GFI1: variants seen among roughly 807,000 people sequenced by gnomAD.
The protein encoded by GFI1 is growth factor independent 1 transcriptional repressor, also known as zinc finger protein Gfi-1.
A neutral mutation model predicts 39.2 loss-of-function variants in GFI1; 15 were observed. The observed-to-expected ratio is 0.38, with a 90% CI of 0.26 to 0.59. The LOEUF (loss-of-function observed/expected upper bound fraction) is 0.59, where lower values mean the gene tolerates loss of function less well. Ranked by LOEUF, GFI1 falls within the 20% of genes least tolerant of loss-of-function variation. GFI1 has a pLI of 0.62. For synonymous variants in GFI1, 239 were observed against 254.3 expected (o/e 0.94, Z 0.57); for missense variants, 475 against 574.0 (o/e 0.83, Z 1.76).
In GFI1 at chr1:92,480,931, G is replaced by C; in HGVS notation, c.456C>G (p.Gly152=). ...CGALERGAGL[G]LFCEPAPEPG... ...GCTCCGGGGCGGGTTCGCAGAAGAG[G>C]CCCAGGCCAGCGCCACGCTCCAGGG... is the stretch of plus-strand genomic sequence containing the variant. The change falls in exon 4 of 7, where the codon GGC becomes GGG. Residue 152 remains glycine (G), a synonymous_variant. Transcript: ENST00000294702. The surrounding 1 kb of genome is among the most constrained non-coding windows in gnomAD (Gnocchi z 5.6). The C allele has an allele frequency of 1.3e-6, 2 of 1,566,460 alleles. No homozygotes were observed. Among genetic ancestry groups the C allele is most frequent in the Admixed American group, 1.9e-5 (1 of 52,936 alleles).
In GFI1 at chr1:92,484,182, CA is replaced by C. The variant is rs1159993579; in HGVS notation, c.-99-597del. ...AGGACAGCAGCAGAGGGATTGGGGA[CA>C]GCAGAGGCCAGAGAAAGGAGGTGGG... On this transcript the variant is annotated intron_variant, in intron 1 of 6. Coordinates refer to ENST00000294702, the MANE Select transcript of GFI1 (RefSeq NM_005263.5). The surrounding 1 kb of genome is among the most constrained non-coding windows in gnomAD (Gnocchi z 4.1). 2.0e-5 allele frequency among the ~76,000 whole-genome samples: 3 copies of C among 152,088 alleles called. No individual in the cohort carries two copies. Among genetic ancestry groups the C allele is most frequent in the African/African-American group, 7.2e-5 (3 of 41,396 alleles).
At chr1:92,485,998 G>A (rs1288817167) in intron 1 of GFI1, 3 of 152,372 alleles carry the variant, frequency 2.0e-5, no homozygotes, top group African/African-American at 7.2e-5. Flanking sequence ...GCGCAGAACA[G>A]GCTCGGCGGA....
Position 92,483,065 on chromosome 1 carries a change from T to C in GFI1, c.116-19A>G. The C allele has an allele frequency of 1.3e-6, 2 of 1,566,022 alleles. No homozygotes were observed. Among genetic ancestry groups the C allele is most frequent in the South Asian group, 2.3e-5 (2 of 85,168 alleles). ...GTGCTGTCTGCAAAGAGGAGGCAGG[T>C]GAGGGGCTCAGGCTGGGACCGGTTG... On this transcript the variant is annotated intron_variant, in intron 2 of 6. Coordinates refer to ENST00000294702, the MANE Select transcript of GFI1 (RefSeq NM_005263.5).
At position 92,484,298 on chromosome 1, in the gene GFI1, T is replaced by C. The variant is rs931121740; in HGVS notation, c.-99-712A>G. On this transcript the variant is annotated intron_variant, in intron 1 of 6. Transcript: ENST00000294702. The surrounding 1 kb of genome is among the most constrained non-coding windows in gnomAD (Gnocchi z 4.1). ...GCATCTGGGTGATCCCACTCGCCCC[T>C]CACTAGTGCCCCACGTAGGAGAAAC... 2 of 152,914 alleles carry C rather than the reference T, an allele frequency of 1.3e-5. No individual in the cohort carries two copies. Among genetic ancestry groups the C allele is most frequent in the African/African-American group, 4.8e-5 (2 of 41,394 alleles). 9.5% of individuals were successfully genotyped at this position (152,914 alleles called of 1,614,324 possible).
chr1:92,479,467 G>A (rs1472995921), intron 5 of GFI1, among the ~76,000 whole-genome samples: 2 of 152,160 alleles, frequency 1.3e-5, no homozygotes, highest in East Asian at 3.8e-4. Context: ...TCTTCATGTG[G>A]GCATGCTGTC....
chr1:92,481,865 C>T lies in GFI1; in HGVS notation c.299-777G>A, dbSNP rs1470708508. On this transcript the variant is annotated intron_variant, in intron 3 of 6. Coordinates refer to ENST00000294702, the MANE Select transcript of GFI1 (RefSeq NM_005263.5). The surrounding 1 kb of genome is among the most constrained non-coding windows in gnomAD (Gnocchi z 4.3). ...ACAGCTCTGAATTCTCGGCCTGCTA[C>T]GCCCCCACCCACGTGAATTTTGCTA... Among the ~76,000 whole-genome samples, 1 of 151,878 alleles carries T rather than the reference C, an allele frequency of 6.6e-6. No homozygotes were observed. The highest frequency in any genetic ancestry group is 1.9e-4 in the East Asian group (1 of 5,144).
In GFI1 at chr1:92,480,111, C is replaced by G. The variant is rs1382054401; in HGVS notation, c.924+237G>C. Among the ~76,000 whole-genome samples, 4 of 152,230 alleles carry G rather than the reference C, an allele frequency of 2.6e-5. No individual in the cohort carries two copies. The highest frequency in any genetic ancestry group is 4.4e-5 in the Non-Finnish European group (3 of 68,036). Reference sequence around the variant, plus strand: ...AAAGTAACAATGAGGATCACACTCTCGAGGCTCACAGTGGTGTGACACCAA... The same window carrying G: ...AAAGTAACAATGAGGATCACACTCTGGAGGCTCACAGTGGTGTGACACCAA... On this transcript the variant is annotated intron_variant, in intron 5 of 6. Coordinates refer to ENST00000294702, the MANE Select transcript of GFI1 (RefSeq NM_005263.5). The surrounding 1 kb of genome is among the most constrained non-coding windows in gnomAD (Gnocchi z 5.6).
rs774792393 is a variant in GFI1, at chr1:92,478,749, C to T, written c.929G>A (p.Arg310Gln). The change falls in exon 6 of 7, where the codon CGG (arginine) becomes CAG (glutamine). Residue 310 changes from arginine to glutamine, a missense_variant. Physicochemically the swap from Arg to Gln is conservative, Grantham distance 43 (BLOSUM62 1). This residue lies in a region of GFI1 where 112 missense variants were observed against 202.8 expected (regional missense o/e 0.55). Coordinates refer to ENST00000294702, the MANE Select transcript of GFI1 (RefSeq NM_005263.5). ...CCCACAGATCTTACAGTCAAAGCTCCGTTCCTGCAGAGAGAGAGAGAGAGA... is the reference window on the plus strand; with the variant it reads ...CCCACAGATCTTACAGTCAAAGCTCTGTTCCTGCAGAGAGAGAGAGAGAGA... The part of the protein sequence containing the change: ...EQHKAVHSQE[R>Q]SFDCKICGKS... 21 of 1,285,404 alleles carry T rather than the reference C, an allele frequency of 1.6e-5. No homozygotes were observed. Among genetic ancestry groups the T allele is most frequent in the African/African-American group, 3.7e-5 (2 of 54,508 alleles). The allele number at this position is 1,285,404 out of a possible 1,614,324, so 79.6% of individuals were successfully genotyped here. A position where few individuals can be genotyped will look rare whatever the true frequency, so the allele number is the denominator to read the frequency against.
At chr1:92,483,342 C>T in intron 2 of GFI1, 31 bp downstream of exon 2, 2 of 1,266,026 alleles carry the variant, frequency 1.6e-6, no homozygotes, top group Non-Finnish European at 2.3e-6. Flanking sequence ...TCCGGGGGAG[C>T]AGCCCCGCCT....
In GFI1 at chr1:92,481,025, G is replaced by T. The variant is rs746713702; in HGVS notation, c.362C>A (p.Pro121Gln). 1 of 1,611,944 alleles carries T rather than the reference G, an allele frequency of 6.2e-7. No individual in the cohort carries two copies. Among genetic ancestry groups the T allele is most frequent in the African/African-American group, 1.3e-5 (1 of 75,014 alleles). ...ACCCGCCAGGCCGCTCCATGAGTAC[G>T]GTTTGAAAGGCAGGGGGAAGGGCTG... ...EAQPFPLPFK[P>Q]YSWSGLAGSD... Residue 121 changes from proline to glutamine, a missense_variant, in exon 4 of 7, where the codon CCG (proline) becomes CAG (glutamine). Transcript: ENST00000294702. This position sits in a 1 kb window ranked among gnomAD's most constrained non-coding sequence, Gnocchi z 4.3.
At chr1:92,483,803 G>A (rs924874324) in intron 1 of GFI1, 4 of 419,910 alleles carry the variant, frequency 9.5e-6, no homozygotes, top group African/African-American at 6.1e-5. Context: ...ACAGCTCAGC[G>A]GTAAAACCTG....
chr1:92,483,227 A>C, intron 2 of GFI1, 146 bp downstream of exon 2: 1 of 722,154 alleles, frequency 1.4e-6, no homozygotes, highest in Non-Finnish European at 2.4e-6. Flanking sequence ...CTAGGAGACA[A>C]ACCCGGAGGA....
Position 92,486,740 on chromosome 1 carries a change from C to T in GFI1, c.-114G>A, listed in dbSNP as rs1389902259. 2.0e-5 allele frequency: 3 copies of T among 152,166 alleles called. No homozygotes were observed. The highest frequency in any genetic ancestry group is 7.2e-5 in the African/African-American group (3 of 41,442). 9.4% of individuals were successfully genotyped at this position (152,166 alleles called of 1,614,324 possible). A position where few individuals can be genotyped will look rare whatever the true frequency, so the allele number is the denominator to read the frequency against. Reference sequence around the variant, plus strand: ...GCTGAAAATACCTTGACACCCAATCCGAGAGGTTTGCTCATTTCCCTTCGG... The same window carrying T: ...GCTGAAAATACCTTGACACCCAATCTGAGAGGTTTGCTCATTTCCCTTCGG... On this transcript the variant is annotated 5_prime_UTR_variant, in exon 1 of 7. Coordinates refer to ENST00000294702, the MANE Select transcript of GFI1 (RefSeq NM_005263.5).
chr1:92,477,280 C>T (rs1486685575), intron 6 of GFI1, among the ~76,000 whole-genome samples: 3 of 152,168 alleles, frequency 2.0e-5, no homozygotes, highest in Admixed American at 2.0e-4. Flanking sequence ...TTTATTCAGT[C>T]AAGATCCTAG....
rs963013290 is a variant in GFI1, at chr1:92,486,579, A to G, written c.-100+147T>C. ...AGGGCTGCACCACCCCCGGGTCGGG[A>G]CCGTGAATCACCGGCCCGCGGTGCC... On this transcript the variant is annotated intron_variant, in intron 1 of 6. Coordinates refer to ENST00000294702, the MANE Select transcript of GFI1 (RefSeq NM_005263.5). 1.2e-4 allele frequency: 14 copies of G among 121,418 alleles called. 1 individual carries two copies. Among genetic ancestry groups the G allele is most frequent in the African/African-American group, 4.3e-4 (14 of 32,348 alleles). 7.5% of individuals were successfully genotyped at this position (121,418 alleles called of 1,614,324 possible).
At position 92,480,521 on chromosome 1, in the gene GFI1, A is replaced by T; in HGVS notation, c.787-36T>A. 1 of 1,547,906 alleles carries T rather than the reference A, an allele frequency of 6.5e-7. No homozygotes were observed. The highest frequency in any genetic ancestry group is 8.7e-7 in the Non-Finnish European group (1 of 1,145,864). ...TGGGGCCAGAGAGAAGGCCGCTGAGAGGGGCCGCGGGGCGCAGGCGAGGCG... is the reference window on the plus strand; with the variant it reads ...TGGGGCCAGAGAGAAGGCCGCTGAGTGGGGCCGCGGGGCGCAGGCGAGGCG... On this transcript the variant is annotated intron_variant, in intron 4 of 6. Coordinates refer to ENST00000294702, the MANE Select transcript of GFI1 (RefSeq NM_005263.5). The surrounding 1 kb of genome is among the most constrained non-coding windows in gnomAD (Gnocchi z 5.6).
At position 92,482,132 on chromosome 1, in the gene GFI1, C is replaced by T. The variant is rs115971380; in HGVS notation, c.298+732G>A. Reference sequence around the variant, plus strand: ...GGAGCTATGGTTTTCGCCAAGTCAACTCACTGATTGTGGGACGGGTGGTGG... The same window carrying T: ...GGAGCTATGGTTTTCGCCAAGTCAATTCACTGATTGTGGGACGGGTGGTGG... On this transcript the variant is annotated intron_variant, in intron 3 of 6. Transcript: ENST00000294702. The surrounding 1 kb of genome is among the most constrained non-coding windows in gnomAD (Gnocchi z 4.4). Among the ~76,000 whole-genome samples the T allele has an allele frequency of 0.015, 2,346 of 152,208 alleles. 33 individuals are homozygous for T. Among genetic ancestry groups the T allele is most frequent in the Non-Finnish European group, 0.021 (1,425 of 67,990 alleles).
At position 92,480,315 on chromosome 1, in the gene GFI1, A is replaced by T; in HGVS notation, c.924+33T>A. The T allele has an allele frequency of 6.5e-7, 1 of 1,542,144 alleles. No homozygotes were observed. The highest frequency in any genetic ancestry group is 8.7e-7 in the Non-Finnish European group (1 of 1,145,320). On this transcript the variant is annotated intron_variant, in intron 5 of 6. Transcript: ENST00000294702. The surrounding 1 kb of genome is among the most constrained non-coding windows in gnomAD (Gnocchi z 5.6). ...GAGGAGATGCAGAAGATCCCCGAGC[A>T]GGGCCGCGCGCGGCGGTGCGCCCCG...
In GFI1 at chr1:92,476,215, G is replaced by A. The variant is rs1433782364; in HGVS notation, c.1091-8C>T. The A allele has an allele frequency of 1.2e-6, 2 of 1,610,038 alleles. No individual in the cohort carries two copies. The highest frequency in any genetic ancestry group is 4.5e-5 in the East Asian group (2 of 44,818). On this transcript the variant is annotated splice_polypyrimidine_tract_variant and splice_region_variant and intron_variant, in intron 6 of 6. Transcript: ENST00000294702. ...ACTTGTGAGGCTTCTCACCTGTGGG[G>A]ATGGGAGGGGGAGGGGAGAAAGTAT...
Sources: gnomAD v4.1 joint callset for allele counts (sites outside exome capture counted in the v4.1 genomes callset) on GRCh38, gnomAD v4.1.1 for gene constraint, gnomAD v4.1.1 regional missense constraint, Gnocchi (gnomAD v3.1) non-coding constraint, MANE v1.5 for transcripts, NCBI Gene and HGNC (gene_info 2026-07-23, HGNC 2026-07-21) for gene names.